The following PLEKHH2 variants were observed in gnomAD, a reference collection of about 807,000 sequenced individuals.
PLEKHH2 encodes pleckstrin homology, MyTH4 and FERM domain containing H2.
Under a neutral mutation model 187.9 loss-of-function variants are expected in PLEKHH2, and 129 were observed. The ratio of observed to expected loss-of-function variants is 0.69; its 90% confidence interval spans 0.59 to 0.79. PLEKHH2 has a LOEUF of 0.79. Among genes scored for constraint, PLEKHH2 ranks in the 30% least tolerant of loss-of-function variants. The pLI, the probability that PLEKHH2 is intolerant of heterozygous loss-of-function variation, is 0.00. For missense variants in PLEKHH2, 2,076 were observed against 1,751.2 expected (o/e 1.19, Z -3.31); for synonymous variants, 686 against 605.6 (o/e 1.13, Z -1.95).
rs1169450656 is a variant in PLEKHH2 at position 43,706,390 on chromosome 2, A to C, written c.1795A>C (p.Thr599Pro). 6.2e-7 allele frequency: 1 copy of C among 1,601,636 alleles called. No individual in the cohort carries two copies. Among genetic ancestry groups the C allele is most frequent in the African/African-American group, 1.3e-5 (1 of 74,662 alleles). ...ATCTCTGATATACAAGAACATGACC[A>C]CCCCAGTGTATACAACTTTGAAGGG... The part of the protein sequence containing the change: ...YTSLIYKNMT[T>P]PVYTTLKGKA... The change falls in exon 10 of 30, where the codon ACC becomes CCC. Residue 599 changes from threonine to proline, a missense_variant. Transcript: ENST00000282406.
intron 14 of PLEKHH2, chr2:43,711,193 TG>T (rs1669946813): frequency 1.0e-6 from 1 of 985,594 alleles, no homozygotes; most frequent in Non-Finnish European, 1.2e-6. Context: ...ATTTCTGAAA[TG>T]TCTTCAATAA....
At chr2:43,652,470 C>T (rs62138782) in intron 2 of PLEKHH2, among the ~76,000 whole-genome samples, 26,287 of 152,118 alleles carry the variant, frequency 0.17, 2,370 homozygotes, top group Middle Eastern at 0.29. Flanking sequence ...TAATGGTAAG[C>T]TGGCCCTTCA....
At chr2:43,675,806 A>G in intron 2 of PLEKHH2, 1 of 1,613,940 alleles carries the variant, frequency 6.2e-7, no homozygotes, top group Non-Finnish European at 8.5e-7. Context: ...AGGTCTCCAA[A>G]TATAACAGTG....
At chr2:43,757,912 A>T (rs1354174644) in intron 26 of PLEKHH2, among the ~76,000 whole-genome samples, 1 of 152,198 alleles carries the variant, frequency 6.6e-6, no homozygotes, top group Admixed American at 6.5e-5. Context: ...AAAAAATTAT[A>T]TTTTGTATAT....
rs766447465 is a variant in PLEKHH2, at chr2:43,678,926, G to A, written c.186+1G>A. On this transcript the variant is annotated splice_donor_variant, in intron 3 of 29. Coordinates refer to ENST00000282406, the MANE Select transcript of PLEKHH2 (RefSeq NM_172069.4). LOFTEE classifies it high-confidence loss of function. ...TCAAGCAGAAAAAGCTTTTCAACAG[G>A]TAGAGTATAATTTTACTTTAAATTT... 3.1e-6 allele frequency: 5 copies of A among 1,604,226 alleles called. No homozygotes were observed. Among genetic ancestry groups the A allele is most frequent in the Non-Finnish European group, 4.3e-6 (5 of 1,173,232 alleles).
At chr2:43,676,395 G>A (rs1667792634) in intron 2 of PLEKHH2, 2 of 1,284,792 alleles carry the variant, frequency 1.6e-6, no homozygotes, top group Non-Finnish European at 2.1e-6. Flanking sequence ...CGCGCCTTCC[G>A]GAGCTGGCGG....
chr2:43,647,259 C>A (rs6717198), intron 2 of PLEKHH2, among the ~76,000 whole-genome samples: 25,583 of 152,120 alleles, frequency 0.17, 2,266 homozygotes, highest in Middle Eastern at 0.28. Context: ...ACTTTTAAAT[C>A]CTTATAACTA....
intron 26 of PLEKHH2, among the ~76,000 whole-genome samples, chr2:43,758,362 C>T (rs1672296548): frequency 6.6e-6 from 1 of 152,156 alleles, no homozygotes; most frequent in East Asian, 1.9e-4. Flanking sequence ...AAGTGATTCT[C>T]CCACCTCAGC....
intron 15 of PLEKHH2, among the ~76,000 whole-genome samples, chr2:43,714,970 G>A (rs1670144454): frequency 6.6e-6 from 1 of 152,146 alleles, no homozygotes; most frequent in South Asian, 2.1e-4. Flanking sequence ...CTCTAGGCTA[G>A]GAGACAGCGC....
chr2:43,700,579 A>G lies in PLEKHH2; in HGVS notation c.1621A>G (p.Thr541Ala). 1.2e-6 allele frequency: 2 copies of G among 1,611,266 alleles called. No homozygotes were observed. The highest frequency in any genetic ancestry group is 1.1e-5 in the South Asian group (1 of 91,034). ...GAAGGTGGCATACAGCAAACCTCCA[A>G]CTCCTCCCCTGCACCGTTTTCCTTC... The part of the protein sequence containing the change: ...AKKVAYSKPP[T>A]PPLHRFPSWE... Residue 541 changes from threonine to alanine, a missense_variant, in exon 8 of 30, where the codon ACT becomes GCT. Transcript: ENST00000282406.
chr2:43,698,015 C>T (rs1055910582), intron 7 of PLEKHH2, among the ~76,000 whole-genome samples: 25 of 152,078 alleles, frequency 1.6e-4, no homozygotes, highest in African/African-American at 5.8e-4. Flanking sequence ...TTGGCTTTGC[C>T]ACCTCTAGCA....
intron 19 of PLEKHH2, among the ~76,000 whole-genome samples, chr2:43,732,171 C>T (rs1671070700): frequency 6.6e-6 from 1 of 152,110 alleles, no homozygotes; most frequent in Non-Finnish European, 1.5e-5. Flanking sequence ...CAAGACCAGC[C>T]TGGCCAACAT....
chr2:43,726,223 G>A (rs1384919788), intron 16 of PLEKHH2, 49 bp from the exon 17 acceptor site: 4 of 1,318,654 alleles, frequency 3.0e-6, no homozygotes, highest in Non-Finnish European at 3.2e-6. Flanking sequence ...GTTTTAGTAG[G>A]AAAAGATTTA....
intron 2 of PLEKHH2, among the ~76,000 whole-genome samples, chr2:43,676,500 C>A (rs1229828251): frequency 2.0e-5 from 3 of 151,674 alleles, no homozygotes; most frequent in East Asian, 2.0e-4. Context: ...GCGGCCACTG[C>A]GGGTGGGGTC....
intron 29 of PLEKHH2, 152 bp from the exon 30 acceptor site, chr2:43,765,261 A>C: frequency 1.6e-6 from 1 of 638,616 alleles, no homozygotes; most frequent in South Asian, 2.3e-5. Context: ...GGTGCTGGAC[A>C]TGTAAGCACT....
At chr2:43,679,192 T>C (rs1668033194) in intron 3 of PLEKHH2, among the ~76,000 whole-genome samples, 1 of 152,200 alleles carries the variant, frequency 6.6e-6, no homozygotes, top group South Asian at 2.1e-4. Flanking sequence ...ATACTAACTA[T>C]ATTTAAGTTT....
At position 43,712,332 on chromosome 2, in the gene PLEKHH2, A is replaced by G; in HGVS notation, c.2409A>G (p.Pro803=). 1 of 1,614,024 alleles carries G rather than the reference A, an allele frequency of 6.2e-7. No homozygotes were observed. Among genetic ancestry groups the G allele is most frequent in the African/African-American group, 1.3e-5 (1 of 75,016 alleles). ...QNVLRVQAAN[P]LSLQPEGKPT... ...TTCTTCGAGTACAAGCTGCCAACCCACTTTCCCTGCAGCCTGAGGGCAAAC... is the reference window on the plus strand; with the variant it reads ...TTCTTCGAGTACAAGCTGCCAACCCGCTTTCCCTGCAGCCTGAGGGCAAAC... Residue 803 remains proline (P), a synonymous_variant, in exon 15 of 30, where the codon CCA becomes CCG. Coordinates refer to ENST00000282406, the MANE Select transcript of PLEKHH2 (RefSeq NM_172069.4).
intron 17 of PLEKHH2, among the ~76,000 whole-genome samples, chr2:43,727,157 T>A (rs1258486558): frequency 1.3e-5 from 2 of 152,204 alleles, no homozygotes; most frequent in Non-Finnish European, 2.9e-5. Flanking sequence ...CTCACGTCTG[T>A]AATCCCAGCA....
chr2:43,759,174 G>C, intron 27 of PLEKHH2, 145 bp downstream of exon 27: 1 of 1,272,192 alleles, frequency 7.9e-7, no homozygotes, highest in Non-Finnish European at 1.0e-6. Flanking sequence ...AGACACTAGA[G>C]AAAGGGCAGA....
Sources: allele counts gnomAD v4.1 joint callset (sites outside exome capture counted in the v4.1 genomes callset), GRCh38; gene constraint gnomAD v4.1.1; transcripts MANE v1.5; gene names NCBI Gene and HGNC (gene_info 2026-07-23, HGNC 2026-07-21).